TTC28: variants seen among roughly 807,000 people sequenced by gnomAD.
The protein encoded by TTC28 is tetratricopeptide repeat protein 28.
Under a neutral mutation model 198.0 loss-of-function variants are expected in TTC28, and 61 were observed. The ratio of observed to expected loss-of-function variants is 0.31; its 90% CI spans 0.25 to 0.38. The LOEUF (loss-of-function observed/expected upper bound fraction) is 0.38, where lower values mean the gene tolerates loss of function less well. Ranked by LOEUF, TTC28 falls within the 10% of genes least tolerant of loss-of-function variation. The pLI is 1.00. For synonymous variants in TTC28, 1,171 were observed against 1,297.8 expected, an observed-to-expected ratio of 0.90 and a Z score of 2.10; for missense variants, 2,678 against 3,164.0, an observed-to-expected ratio of 0.85 and a Z score of 3.69.
At chr22:28,335,137 T>A (rs1038296771) in intron 2 of TTC28, among the ~76,000 whole-genome samples, 8 of 152,196 alleles carry the variant, frequency 5.3e-5, no homozygotes, top group Non-Finnish European at 1.2e-4. Flanking sequence ...CTTGTTTTTG[T>A]CAGGTTTGCC....
intron 12 of TTC28, among the ~76,000 whole-genome samples, chr22:28,084,625 C>T (rs1027354472): frequency 6.6e-6 from 1 of 152,192 alleles, no homozygotes; most frequent in Non-Finnish European, 1.5e-5. Flanking sequence ...CAAAGAAACG[C>T]AGCTCCTCAC....
Position 28,297,807 on chromosome 22 carries a change from T to C in TTC28, c.575A>G (p.Asp192Gly). Reference sequence around the variant, plus strand: ...AGACACGACCACAAAGGGACTCTTGTCCAGTTTCATTTTCTGAAGCTGCTG... The same window carrying C: ...AGACACGACCACAAAGGGACTCTTGCCCAGTTTCATTTTCTGAAGCTGCTG... ...TYQQLQKMKL[D>G]KSPFVVVSVV... Residue 192 changes from aspartate (D) to glycine (G), a missense_variant, in exon 4 of 23, where the codon GAC becomes GGC. By Grantham distance (94) the Asp-to-Gly change is moderately conservative. Coordinates refer to ENST00000397906, the MANE Select transcript of TTC28 (RefSeq NM_001145418.2). 2 of 1,551,630 alleles carry C rather than the reference T, an allele frequency of 1.3e-6. No individual in the cohort carries two copies. The highest frequency in any genetic ancestry group is 1.7e-6 in the Non-Finnish European group (2 of 1,146,990).
Position 28,629,663 on chromosome 22 carries a change from C to A in TTC28, c.270G>T (p.Gln90His). ...ATCTATTGCTGTATAAGATGCAGTT[C>A]TGAGGGTCAACAGCCAGGGCTTCAT... Reference protein sequence around the residue: ...LYNEALAVDPQNCILYSNRSA... With the variant: ...LYNEALAVDPHNCILYSNRSA... Residue 90 changes from glutamine (Q) to histidine (H), a missense_variant, in exon 2 of 23, where the codon CAG (glutamine) becomes CAT (histidine). Coordinates refer to ENST00000397906, the MANE Select transcript of TTC28 (RefSeq NM_001145418.2). 6.4e-7 allele frequency: 1 copy of A among 1,551,598 alleles called. No individual in the cohort carries two copies. Among genetic ancestry groups the A allele is most frequent in the South Asian group, 1.2e-5 (1 of 84,052 alleles).
At chr22:28,606,052 T>C (rs1351125494) in intron 2 of TTC28, among the ~76,000 whole-genome samples, 1 of 152,082 alleles carries the variant, frequency 6.6e-6, no homozygotes, top group African/African-American at 2.4e-5. Flanking sequence ...AAACATCACA[T>C]TGTACTCCAT....
At chr22:28,006,016 A>G (rs1168898123) in intron 14 of TTC28, among the ~76,000 whole-genome samples, 1 of 152,192 alleles carries the variant, frequency 6.6e-6, no homozygotes, top group Non-Finnish European at 1.5e-5. Context: ...CTGTCTCCAG[A>G]TGGACCCAGA....
intron 2 of TTC28, among the ~76,000 whole-genome samples, chr22:28,468,275 G>A (rs2048051842): frequency 6.6e-6 from 1 of 152,106 alleles, no homozygotes; most frequent in Non-Finnish European, 1.5e-5. Context: ...GCAGTTATAG[G>A]AGGGGATCTT....
At chr22:28,158,247 A>G (rs1943798656) in intron 6 of TTC28, among the ~76,000 whole-genome samples, 1 of 152,178 alleles carries the variant, frequency 6.6e-6, no homozygotes, top group South Asian at 2.1e-4. Flanking sequence ...ACACTCATGA[A>G]AGAAACTGAG....
intron 2 of TTC28, among the ~76,000 whole-genome samples, chr22:28,427,992 A>G (rs1357622260): frequency 2.0e-5 from 3 of 152,130 alleles, no homozygotes; most frequent in Non-Finnish European, 4.4e-5. Context: ...TCCTCAGTAA[A>G]TCATGTGGAA....
At chr22:28,542,557 C>T (rs1427517524) in intron 2 of TTC28, among the ~76,000 whole-genome samples, 2 of 151,972 alleles carry the variant, frequency 1.3e-5, no homozygotes, top group Non-Finnish European at 2.9e-5. Flanking sequence ...ATGTTCAATT[C>T]TATGTTATGT....
chr22:28,443,659 T>C (rs1198338990), intron 2 of TTC28, among the ~76,000 whole-genome samples: 1 of 152,116 alleles, frequency 6.6e-6, no homozygotes, highest in Non-Finnish European at 1.5e-5. Context: ...TCTGCACTAA[T>C]GACTTCCTTC....
intron 2 of TTC28, among the ~76,000 whole-genome samples, chr22:28,565,353 T>C (rs1261112711): frequency 1.3e-5 from 2 of 152,180 alleles, no homozygotes; most frequent in African/African-American, 2.4e-5. Flanking sequence ...AAGTAACATA[T>C]AGTACTTAGA....
intron 2 of TTC28, among the ~76,000 whole-genome samples, chr22:28,484,649 C>A (rs2048295483): frequency 6.6e-6 from 1 of 152,124 alleles, no homozygotes; most frequent in African/African-American, 2.4e-5. Flanking sequence ...AAGATCTCTC[C>A]CATGGACACT....
At chr22:28,167,741 T>C (rs1310954710) in intron 5 of TTC28, among the ~76,000 whole-genome samples, 1 of 152,146 alleles carries the variant, frequency 6.6e-6, no homozygotes, top group Non-Finnish European at 1.5e-5. Flanking sequence ...ACTGGAAGCA[T>C]TCCCTTTGAA....
chr22:28,655,288 C>T (rs1034034726), intron 1 of TTC28, among the ~76,000 whole-genome samples: 2 of 152,132 alleles, frequency 1.3e-5, no homozygotes, highest in African/African-American at 4.8e-5. Context: ...ATCTTAGAAT[C>T]CTAAATCTTT....
At chr22:28,672,058 G>A (rs555561805) in intron 1 of TTC28, among the ~76,000 whole-genome samples, 107 of 151,576 alleles carry the variant, frequency 7.1e-4, no homozygotes, top group African/African-American at 2.1e-3. Context: ...ACAGAGTCTC[G>A]CTCTGTCACC....
intron 2 of TTC28, among the ~76,000 whole-genome samples, chr22:28,431,433 T>C (rs1384572790): frequency 1.3e-5 from 2 of 152,250 alleles, no homozygotes; most frequent in Non-Finnish European, 2.9e-5. Flanking sequence ...TTCATATTAA[T>C]GTTTAAAGCT....
intron 1 of TTC28, among the ~76,000 whole-genome samples, chr22:28,658,587 A>T (rs2051695267): frequency 6.6e-6 from 1 of 152,214 alleles, no homozygotes; most frequent in African/African-American, 2.4e-5. Flanking sequence ...TTACAAGATG[A>T]AGAGTTATAG....
chr22:28,015,338 C>T (rs1938323807), intron 13 of TTC28, among the ~76,000 whole-genome samples: 1 of 148,684 alleles, frequency 6.7e-6, no homozygotes, highest in Admixed American at 6.8e-5. Context: ...CCATCAGTGA[C>T]ATTCTGTGCC....
At chr22:28,142,206 G>T (rs185111916) in intron 6 of TTC28, among the ~76,000 whole-genome samples, 1 of 152,314 alleles carries the variant, frequency 6.6e-6, no homozygotes, top group Admixed American at 6.5e-5. Flanking sequence ...GGCAAAGTAA[G>T]TGCCCAGTAA....
Sources: allele counts gnomAD v4.1 joint callset (sites outside exome capture counted in the v4.1 genomes callset), GRCh38; gene constraint gnomAD v4.1.1; transcripts MANE v1.5; gene names NCBI Gene and HGNC (gene_info 2026-07-23, HGNC 2026-07-21).